The following CNTN5 variants were observed in gnomAD, a reference collection of about 807,000 sequenced individuals.
The protein encoded by CNTN5 is contactin 5.
A neutral mutation model predicts 129.1 loss-of-function variants in CNTN5; 77 were observed. That is an observed-to-expected ratio of 0.60 (90% CI 0.50 to 0.72). The LOEUF (loss-of-function observed/expected upper bound fraction) is 0.72. Among genes scored for constraint, CNTN5 ranks in the 30% least tolerant of loss-of-function variants. CNTN5 has a pLI of 0.00. For missense variants in CNTN5, 1,478 were observed against 1,328.8 expected, an observed-to-expected ratio of 1.11 and a Z score of -1.75; for synonymous variants, 509 against 465.6, an observed-to-expected ratio of 1.09 and a Z score of -1.20.
At position 99,219,560 on chromosome 11, in the gene CNTN5, G is replaced by A. The variant is rs1489705683; in HGVS notation, c.-209-105786G>A. Among the ~76,000 whole-genome samples the A allele has an allele frequency of 4.0e-5, 6 of 151,470 alleles. No individual in the cohort carries two copies. In the East Asian group the frequency reaches 1.2e-3, roughly 30 times the overall value. ...AGTACAGCTGGTATTGGTGTTTATA[G>A]AATGATATCAGAGATGAGGTTTAGA... is the stretch of plus-strand genomic sequence containing the variant. On this transcript the variant is annotated intron_variant, in intron 1 of 24. Transcript: ENST00000524871.
At chr11:99,655,947 T>A (rs1952342601) in intron 3 of CNTN5, among the ~76,000 whole-genome samples, 1 of 152,084 alleles carries the variant, frequency 6.6e-6, no homozygotes, top group African/African-American at 2.4e-5. Flanking sequence ...CACACACGTG[T>A]ATATACACAC....
intron 1 of CNTN5, among the ~76,000 whole-genome samples, chr11:99,188,077 A>G (rs1565388102): frequency 6.6e-6 from 1 of 151,812 alleles, no homozygotes; most frequent in Non-Finnish European, 1.5e-5. Flanking sequence ...TTTAACACAT[A>G]TATATTCTGA....
At chr11:100,098,865 A>G (rs985968919) in intron 13 of CNTN5, among the ~76,000 whole-genome samples, 1 of 152,054 alleles carries the variant, frequency 6.6e-6, no homozygotes, top group African/African-American at 2.4e-5. Flanking sequence ...TTTCTAGCAG[A>G]TTAGCCGGAC....
intron 6 of CNTN5, among the ~76,000 whole-genome samples, chr11:99,897,344 T>C (rs1009205781): frequency 6.6e-6 from 1 of 152,128 alleles, no homozygotes; most frequent in African/African-American, 2.4e-5. Flanking sequence ...AGGCATTTGG[T>C]TACTAGACTA....
intron 1 of CNTN5, among the ~76,000 whole-genome samples, chr11:99,304,996 T>G (rs1480178931): frequency 6.6e-6 from 1 of 152,212 alleles, no homozygotes; most frequent in African/African-American, 2.4e-5. Flanking sequence ...AATGATATTT[T>G]AGATATTACT....
chr11:99,711,787 C>T (rs913449127), intron 3 of CNTN5, among the ~76,000 whole-genome samples: 1 of 151,912 alleles, frequency 6.6e-6, no homozygotes, highest in Non-Finnish European at 1.5e-5. Flanking sequence ...CAGCTTTTTC[C>T]ATGTCCCTGC....
intron 7 of CNTN5, among the ~76,000 whole-genome samples, chr11:99,939,892 T>C (rs1591452091): frequency 6.6e-6 from 1 of 152,260 alleles, no homozygotes; most frequent in East Asian, 1.9e-4. Flanking sequence ...AAAAATAAAA[T>C]GAAAACTCAA....
At chr11:99,895,157 C>G (rs1949172806) in intron 6 of CNTN5, among the ~76,000 whole-genome samples, 1 of 152,134 alleles carries the variant, frequency 6.6e-6, no homozygotes, top group Non-Finnish European at 1.5e-5. Flanking sequence ...TTGCTGCTCC[C>G]CATCAGTTCA....
chr11:99,128,520 G>A (rs1227096480), intron 1 of CNTN5, among the ~76,000 whole-genome samples: 2 of 152,148 alleles, frequency 1.3e-5, no homozygotes, highest in Non-Finnish European at 2.9e-5. Flanking sequence ...CAGGAGGAGC[G>A]GCCAAGGTGT....
chr11:99,871,217 C>T (rs185642760), intron 6 of CNTN5, among the ~76,000 whole-genome samples: 11 of 151,800 alleles, frequency 7.2e-5, no homozygotes, highest in Non-Finnish European at 1.5e-4. Flanking sequence ...AAAATATGAC[C>T]ACAAAAGAGA....
intron 2 of CNTN5, among the ~76,000 whole-genome samples, chr11:99,541,133 C>T (rs1282393070): frequency 6.6e-6 from 1 of 152,104 alleles, no homozygotes; most frequent in African/African-American, 2.4e-5. Flanking sequence ...ATAACTCTGC[C>T]CTACTCTGGA....
chr11:100,238,154 G>A (rs78655128), intron 16 of CNTN5, among the ~76,000 whole-genome samples: 2,473 of 152,154 alleles, frequency 0.016, 25 homozygotes, highest in Non-Finnish European at 0.025. Flanking sequence ...TAGAATCAAG[G>A]TCTTTGGATT....
chr11:99,807,181 T>C (rs1022329466), intron 3 of CNTN5, among the ~76,000 whole-genome samples: 1 of 152,180 alleles, frequency 6.6e-6, no homozygotes, highest in Non-Finnish European at 1.5e-5. Context: ...TTAGCCATCA[T>C]CTAATAAAAT....
chr11:100,044,616 T>C (rs1174913549), intron 9 of CNTN5, among the ~76,000 whole-genome samples: 2 of 152,088 alleles, frequency 1.3e-5, no homozygotes, highest in Non-Finnish European at 2.9e-5. Flanking sequence ...TTGGCCATTT[T>C]TGTGTCTTTT....
intron 3 of CNTN5, among the ~76,000 whole-genome samples, chr11:99,633,119 C>T (rs1334265648): frequency 1.3e-5 from 2 of 152,052 alleles, no homozygotes; most frequent in Non-Finnish European, 2.9e-5. Flanking sequence ...AAATAACTCT[C>T]CTCCAAGTAA....
intron 16 of CNTN5, among the ~76,000 whole-genome samples, chr11:100,248,940 G>A (rs1040754738): frequency 2.0e-4 from 31 of 152,104 alleles, no homozygotes; most frequent in South Asian, 2.1e-4. Context: ...AATTTGACCC[G>A]TTATCAAGAC....
At chr11:99,413,288 T>C (rs1482238522) in intron 2 of CNTN5, among the ~76,000 whole-genome samples, 1 of 152,184 alleles carries the variant, frequency 6.6e-6, no homozygotes, top group East Asian at 1.9e-4. Context: ...TCTTGATATG[T>C]CAATGGGCAA....
In CNTN5 at chr11:99,709,898, A is replaced by T. The variant is rs564340027; in HGVS notation, c.56-109646A>T. Among the ~76,000 whole-genome samples the T allele has an allele frequency of 1.6e-3, 250 of 152,014 alleles. 1 individual carries two copies. Among genetic ancestry groups the T allele is most frequent in the African/African-American group, 5.6e-3 (234 of 41,524 alleles). On this transcript the variant is annotated intron_variant, in intron 3 of 24. Transcript: ENST00000524871. ...TTAAAAAAAGATCTAATGAAAGTTC[A>T]TTGCTGAAAAGTTGATTTTTATTTG...
intron 2 of CNTN5, among the ~76,000 whole-genome samples, chr11:99,347,693 AT>A (rs201721379): frequency 7.9e-5 from 12 of 151,670 alleles, no homozygotes; most frequent in African/African-American, 2.7e-4. Context: ...CGTTATTTGC[AT>A]TTTTTTGGTA....
Sources: allele counts gnomAD v4.1 joint callset (sites outside exome capture counted in the v4.1 genomes callset), GRCh38; gene constraint gnomAD v4.1.1; transcripts MANE v1.5; gene names NCBI Gene and HGNC (gene_info 2026-07-23, HGNC 2026-07-21).